GPR84: variants seen among roughly 807,000 people sequenced by gnomAD.
GPR84 encodes G protein-coupled receptor 84.
A neutral mutation model predicts 14.9 loss-of-function variants in GPR84; 8 were observed. That is an observed-to-expected ratio of 0.54 (90% CI 0.31 to 0.97). GPR84 has a LOEUF of 0.97. Among genes scored for constraint, GPR84 ranks in the 50% least tolerant of loss-of-function variants. The pLI, the probability that GPR84 is intolerant of heterozygous loss-of-function variation, is 0.04. For synonymous variants in GPR84, 164 were observed against 198.1 expected (o/e 0.83, Z 1.45); for missense variants, 424 against 498.7 (o/e 0.85, Z 1.43).
At chr12:54,357,214 G>A in the GPR84 span, among the ~76,000 whole-genome samples, 10 of 152,172 alleles carry the variant, frequency 6.6e-5, no homozygotes, top group Admixed American at 5.9e-4. Context: ...GCTCTTAAAG[G>A]GCCAGTCTAG....
chr12:54,353,057 C>T, the GPR84 span, among the ~76,000 whole-genome samples: 1 of 152,186 alleles, frequency 6.6e-6, no homozygotes, highest in South Asian at 2.1e-4. Context: ...AGTTCTCAAA[C>T]TTGGAATTCT....
the GPR84 span, among the ~76,000 whole-genome samples, chr12:54,352,728 C>T: frequency 6.6e-6 from 1 of 152,240 alleles, no homozygotes; most frequent in African/African-American, 2.4e-5. Context: ...TCCAGTCTTG[C>T]CTGCTCTTCT....
rs767332221 is a variant in GPR84 at position 54,363,718 on chromosome 12, A to G, written c.134T>C (p.Leu45Ser). 1.9e-6 allele frequency: 3 copies of G among 1,614,032 alleles called. No individual in the cohort carries two copies. The highest frequency in any genetic ancestry group is 2.2e-5 in the South Asian group (2 of 91,058). The change falls in exon 2 of 2, where the codon TTG becomes TCG. Residue 45 changes from leucine (L) to serine (S), a missense_variant. Coordinates refer to ENST00000267015, the MANE Select transcript of GPR84 (RefSeq NM_020370.3). ...TVGNVLTLLA[L>S]AIQPKLRTRF... ...GGTACGGAGCTTGGGCTGGATGGCC[A>G]AGGCCAGTAGGGTGAGCACATTGCC... is the stretch of plus-strand genomic sequence containing the variant.
downstream of GPR84, chr12:54,362,345 C>A: frequency 4.3e-6 from 1 of 230,432 alleles, no homozygotes; most frequent in African/African-American, 2.3e-5. This position sits in a 1 kb window ranked among gnomAD's most constrained non-coding sequence, Gnocchi z 4.0. Flanking sequence ...GACAGGATTT[C>A]GTCATGCAGG....
chr12:54,359,185 AC>A (rs1185962417), downstream of GPR84, among the ~76,000 whole-genome samples: 1 of 151,214 alleles, frequency 6.6e-6, no homozygotes, highest in Non-Finnish European at 1.5e-5. Context: ...TAGCAGCTGC[AC>A]CCCCCTCCCC....
In GPR84 at chr12:54,362,574, A is replaced by C. The variant is rs547071724; in HGVS notation, c.*87T>G. The C allele has an allele frequency of 1.3e-6, 1 of 793,208 alleles. No individual in the cohort carries two copies. The highest frequency in any genetic ancestry group is 1.7e-5 in the South Asian group (1 of 58,628). 49.1% of individuals were successfully genotyped at this position (793,208 alleles called of 1,614,324 possible). Reference sequence around the variant, plus strand: ...GAGAGATTGTTGTGAAAATGCCCACATGTGTTATTTCACCTATTCTCCTAT... The same window carrying C: ...GAGAGATTGTTGTGAAAATGCCCACCTGTGTTATTTCACCTATTCTCCTAT... On this transcript the variant is annotated 3_prime_UTR_variant, in exon 2 of 2. Coordinates refer to ENST00000267015, the MANE Select transcript of GPR84 (RefSeq NM_020370.3). The surrounding 1 kb of genome is among the most constrained non-coding windows in gnomAD (Gnocchi z 4.0).
chr12:54,363,284 C>G lies in GPR84; in HGVS notation c.568G>C (p.Gly190Arg), dbSNP rs766899348. The change falls in exon 2 of 2, where the codon GGG (glycine) becomes CGG (arginine). Residue 190 changes from glycine to arginine, a missense_variant. Coordinates refer to ENST00000267015, the MANE Select transcript of GPR84 (RefSeq NM_020370.3). ...TAGAAGATGCCAACACTGCTGAGCC[C>G]AAGCACAAAGTAGATGCCCATGAGG... ...TILMGIYFVL[G>R]LSSVGIFYCL... 5.0e-6 allele frequency: 8 copies of G among 1,614,018 alleles called. No homozygotes were observed. Among genetic ancestry groups the G allele is most frequent in the Admixed American group, 1.7e-5 (1 of 59,996 alleles).
At chr12:54,355,717 G>T in the GPR84 span, among the ~76,000 whole-genome samples, 112 of 152,180 alleles carry the variant, frequency 7.4e-4, no homozygotes, top group African/African-American at 2.6e-3. Context: ...AGCCTGCCTG[G>T]GGCCTGGGTC....
chr12:54,358,663 G>A, downstream of GPR84, among the ~76,000 whole-genome samples: 1 of 151,928 alleles, frequency 6.6e-6, no homozygotes, highest in East Asian at 1.9e-4. Context: ...TCCCTCTCTC[G>A]ATGCCCGATT....
the GPR84 span, among the ~76,000 whole-genome samples, chr12:54,357,442 G>C: frequency 6.6e-6 from 1 of 152,188 alleles, no homozygotes; most frequent in African/African-American, 2.4e-5. Context: ...CTTTCACTGG[G>C]TTGGGGGGTC....
chr12:54,352,652 TG>T, the GPR84 span, among the ~76,000 whole-genome samples: 1 of 151,842 alleles, frequency 6.6e-6, no homozygotes. Context: ...TGGGAAAGGA[TG>T]GGGGAAGGAA....
Position 54,363,627 on chromosome 12 carries a change from G to A in GPR84, c.225C>T (p.Pro75=). The A allele has an allele frequency of 6.2e-7, 1 of 1,614,020 alleles. No individual in the cohort carries two copies. The highest frequency in any genetic ancestry group is 8.5e-7 in the Non-Finnish European group (1 of 1,179,928). ...ADLLYCTLLQ[P]FSVDTYLHLH... The stretch of plus-strand genomic sequence containing the variant: ...GGTGGAGGTAGGTGTCCACAGAGAA[G>A]GGCTGAAGGAGCGTGCAGTAGAGGA... Residue 75 remains proline (P), a synonymous_variant, in exon 2 of 2, where the codon CCC becomes CCT. Coordinates refer to ENST00000267015, the MANE Select transcript of GPR84 (RefSeq NM_020370.3).
chr12:54,355,019 G>T, the GPR84 span, among the ~76,000 whole-genome samples: 1 of 152,166 alleles, frequency 6.6e-6, no homozygotes, highest in Non-Finnish European at 1.5e-5. Context: ...CTGAAGAGTG[G>T]CAGAAACAGG....
downstream of GPR84, among the ~76,000 whole-genome samples, chr12:54,359,678 A>T (rs1954249779): frequency 6.6e-6 from 1 of 152,158 alleles, no homozygotes; most frequent in African/African-American, 2.4e-5. Flanking sequence ...CTCCAAACAC[A>T]CACACATCCC....
chr12:54,355,611 C>T, the GPR84 span, among the ~76,000 whole-genome samples: 2 of 152,030 alleles, frequency 1.3e-5, no homozygotes, highest in African/African-American at 4.8e-5. Flanking sequence ...TGCCCACCCC[C>T]CATGCCTGCC....
At chr12:54,350,882 C>T in the GPR84 span, 1 of 282,668 alleles carries the variant, frequency 3.5e-6, no homozygotes, top group Non-Finnish European at 7.0e-6. Flanking sequence ...AAAGAATGTG[C>T]TGAGTGTTTT....
chr12:54,351,810 T>C, the GPR84 span: 1 of 152,222 alleles, frequency 6.6e-6, no homozygotes, highest in Non-Finnish European at 1.5e-5. Flanking sequence ...CTTCATAAAC[T>C]GCTCTGTGCA....
downstream of GPR84, among the ~76,000 whole-genome samples, chr12:54,362,032 A>T (rs1216393842): frequency 6.6e-6 from 1 of 152,254 alleles, no homozygotes; most frequent in Admixed American, 6.5e-5. The surrounding 1 kb of genome is among the most constrained non-coding windows in gnomAD (Gnocchi z 4.0). Flanking sequence ...ACTGGAGTAG[A>T]TATCAAAGCT....
chr12:54,359,000 C>T (rs1030362110), downstream of GPR84, among the ~76,000 whole-genome samples: 5 of 152,104 alleles, frequency 3.3e-5, no homozygotes, highest in African/African-American at 9.7e-5. Context: ...TTCCCGTTAC[C>T]ACCACACCCC....
Sources: gnomAD v4.1 joint callset for allele counts (sites outside exome capture counted in the v4.1 genomes callset) on GRCh38, gnomAD v4.1.1 for gene constraint, Gnocchi (gnomAD v3.1) non-coding constraint, MANE v1.5 for transcripts, NCBI Gene and HGNC (gene_info 2026-07-23, HGNC 2026-07-21) for gene names.